The following XPNPEP3 variants were observed in gnomAD, a reference collection of about 807,000 sequenced individuals.
XPNPEP3 encodes the protein X-prolyl aminopeptidase 3.
A neutral mutation model predicts 60.0 loss-of-function variants in XPNPEP3; 41 were observed. That is an observed-to-expected ratio of 0.68 (90% CI 0.53 to 0.89). The LOEUF is 0.89. Among genes scored for constraint, XPNPEP3 ranks in the 40% least tolerant of loss-of-function variants. XPNPEP3 has a pLI of 0.00. For synonymous variants in XPNPEP3, 212 were observed against 223.2 expected, an observed-to-expected ratio of 0.95 and a Z score of 0.45; for missense variants, 598 against 638.9, an observed-to-expected ratio of 0.94 and a Z score of 0.69.
At chr22:40,877,997 A>G (rs2058033991) in intron 2 of XPNPEP3, among the ~76,000 whole-genome samples, 2 of 152,170 alleles carry the variant, frequency 1.3e-5, no homozygotes, top group South Asian at 4.1e-4. Context: ...ACCTGAGGTC[A>G]GGAGTTCAAG....
intron 1 of XPNPEP3, chr22:40,862,679 G>C: frequency 1.0e-6 from 1 of 985,374 alleles, no homozygotes; most frequent in Non-Finnish European, 1.2e-6. Context: ...GCATGCCAGT[G>C]GTAAGTCATT....
intron 1 of XPNPEP3, among the ~76,000 whole-genome samples, chr22:40,858,757 C>T (rs528716659): frequency 6.6e-6 from 1 of 151,862 alleles, no homozygotes; most frequent in Admixed American, 6.6e-5. Context: ...GTTTTGAACC[C>T]CTGACCTCGT....
intron 8 of XPNPEP3, among the ~76,000 whole-genome samples, chr22:40,923,731 A>T (rs1241241274): frequency 2.0e-5 from 3 of 152,126 alleles, no homozygotes; most frequent in Non-Finnish European, 4.4e-5. Context: ...ACATGACTAT[A>T]ATCCCGGCTA....
chr22:40,861,729 G>A, intron 1 of XPNPEP3: 1 of 1,613,924 alleles, frequency 6.2e-7, no homozygotes, highest in South Asian at 1.1e-5. Flanking sequence ...CTTATGGAAT[G>A]TGAAGCCGTA....
chr22:40,889,295 G>A (rs2058080610), intron 4 of XPNPEP3, among the ~76,000 whole-genome samples: 1 of 152,112 alleles, frequency 6.6e-6, no homozygotes, highest in Non-Finnish European at 1.5e-5. Context: ...AAAACACTAA[G>A]ATCACAGGCA....
At chr22:40,909,780 A>G (rs1299444148) in intron 6 of XPNPEP3, among the ~76,000 whole-genome samples, 4 of 151,528 alleles carry the variant, frequency 2.6e-5, no homozygotes, top group Admixed American at 6.6e-5. Flanking sequence ...CTCTAAATAA[A>G]TAAATAAATA....
chr22:40,862,271 C>T, intron 1 of XPNPEP3: 1 of 1,137,346 alleles, frequency 8.8e-7, no homozygotes, highest in Non-Finnish European at 1.1e-6. Flanking sequence ...TCGTACCAGA[C>T]CATCCTGAAT....
At chr22:40,887,267 C>CT (rs1254887708) in intron 4 of XPNPEP3, among the ~76,000 whole-genome samples, 1 of 152,102 alleles carries the variant, frequency 6.6e-6, no homozygotes, top group Admixed American at 6.5e-5. Flanking sequence ...AGCAAGGAGT[C>CT]TAGAGAAGCC....
chr22:40,868,964 ATTGT>A, intron 1 of XPNPEP3, 31 bp from the exon 2 acceptor site: 1 of 1,540,752 alleles, frequency 6.5e-7, no homozygotes, highest in Non-Finnish European at 9.0e-7. Context: ...TTCTAGATCT[ATTGT>A]TTCATTTCAT....
At chr22:40,887,433 C>T (rs986034773) in intron 4 of XPNPEP3, among the ~76,000 whole-genome samples, 1 of 152,112 alleles carries the variant, frequency 6.6e-6, no homozygotes, top group East Asian at 1.9e-4. Context: ...TGTATTGTCT[C>T]ATAATTTTGC....
At position 40,925,574 on chromosome 22, in the gene XPNPEP3, G is replaced by A. The variant is rs556235056; in HGVS notation, c.1358-695G>A. Among the ~76,000 whole-genome samples the A allele has an allele frequency of 1.2e-4, 19 of 152,156 alleles. No individual in the cohort carries two copies. The South Asian group carries it at 3.5e-3, about 28-fold the overall frequency. On this transcript the variant is annotated intron_variant, in intron 9 of 9. Coordinates refer to ENST00000357137, the MANE Select transcript of XPNPEP3 (RefSeq NM_022098.4). ...CTTTGCTGATCTTTCTTTTTCAATCGCAGAGCAGTATCTGTGAGGATAGTG... is the reference window on the plus strand; with the variant it reads ...CTTTGCTGATCTTTCTTTTTCAATCACAGAGCAGTATCTGTGAGGATAGTG...
At chr22:40,877,165 A>G (rs2058030797) in intron 2 of XPNPEP3, among the ~76,000 whole-genome samples, 2 of 152,228 alleles carry the variant, frequency 1.3e-5, no homozygotes, top group East Asian at 3.8e-4. Flanking sequence ...TGCTCAATAT[A>G]TGCAAATCTA....
chr22:40,864,301 T>C (rs183665695), intron 1 of XPNPEP3, among the ~76,000 whole-genome samples: 44 of 152,316 alleles, frequency 2.9e-4, no homozygotes, highest in Non-Finnish European at 5.3e-4. Flanking sequence ...GTTACTGTCA[T>C]TGCCATCTTA....
In XPNPEP3 at chr22:40,922,455, G is replaced by A; in HGVS notation, c.1178G>A (p.Gly393Glu). 6.2e-7 allele frequency: 1 copy of A among 1,613,974 alleles called. No individual in the cohort carries two copies. The highest frequency in any genetic ancestry group is 8.5e-7 in the Non-Finnish European group (1 of 1,179,974). ...NIYSMMLTLI[G>E]QKLKDLGIMK... is the part of the protein sequence containing the mutation. ...TACAGCATGATGCTGACCCTGATAG[G>A]ACAGAAGCTTAAAGACTTGGGGATC... Residue 393 changes from glycine (G) to glutamate (E), a missense_variant, in exon 8 of 10, where the codon GGA becomes GAA. Physicochemically the swap from Gly to Glu is moderately conservative, Grantham distance 98. Transcript: ENST00000357137.
chr22:40,895,977 A>G (rs1601507575), intron 4 of XPNPEP3, among the ~76,000 whole-genome samples: 3 of 152,270 alleles, frequency 2.0e-5, no homozygotes. Context: ...CCTGGCCTAT[A>G]TATCAACGTT....
intron 7 of XPNPEP3, among the ~76,000 whole-genome samples, chr22:40,915,732 C>T (rs185625220): frequency 6.1e-4 from 93 of 152,088 alleles, no homozygotes; most frequent in Admixed American, 2.7e-3. Context: ...AAATCCTTGA[C>T]GAGAAGGGCT....
chr22:40,893,111 TATAA>T (rs953290456), intron 4 of XPNPEP3, among the ~76,000 whole-genome samples: 19 of 147,552 alleles, frequency 1.3e-4, no homozygotes, highest in Non-Finnish European at 2.4e-4. Flanking sequence ...TATAAATATA[TATAA>T]ATATATATTA....
rs2058168014 is a variant in XPNPEP3, at chr22:40,909,238, A to G, written c.969+3A>G. ...TGAAAAATAATCAACTCATCAAGGT[A>G]CGTGAGATGCCCTCAGTGCTACTCC... On this transcript the variant is annotated splice_donor_region_variant and intron_variant, in intron 6 of 9. Coordinates refer to ENST00000357137, the MANE Select transcript of XPNPEP3 (RefSeq NM_022098.4). 6.2e-7 allele frequency: 1 copy of G among 1,612,580 alleles called. No individual in the cohort carries two copies. The highest frequency in any genetic ancestry group is 8.5e-7 in the Non-Finnish European group (1 of 1,178,522).
chr22:40,883,662 A>G (rs964735726), intron 3 of XPNPEP3, among the ~76,000 whole-genome samples: 1 of 152,124 alleles, frequency 6.6e-6, no homozygotes, highest in Non-Finnish European at 1.5e-5. Context: ...GTGCCTGGCC[A>G]TAGTTGAGTT....
Sources: allele counts gnomAD v4.1 joint callset (sites outside exome capture counted in the v4.1 genomes callset), GRCh38; gene constraint gnomAD v4.1.1; transcripts MANE v1.5; gene names NCBI Gene and HGNC (gene_info 2026-07-23, HGNC 2026-07-21).